MLF2: variants seen among roughly 807,000 people sequenced by gnomAD.
MLF2 encodes the protein myelodysplasia-myeloid leukemia factor 2.
A neutral mutation model predicts 31.4 loss-of-function variants in MLF2; 12 were observed. That is an observed-to-expected ratio of 0.38 (90% confidence interval 0.24 to 0.62). MLF2 has a LOEUF of 0.62. MLF2 is among the 20% of genes least tolerant of loss of function. MLF2 has a pLI of 0.58. For missense variants in MLF2, 272 were observed against 359.7 expected (o/e 0.76, Z 1.97); for synonymous variants, 109 against 118.8 (o/e 0.92, Z 0.54).
Position 6,750,870 on chromosome 12 carries a change from C to G in MLF2, c.217-104G>C. Reference sequence around the variant, plus strand: ...CCACATGGCTGCACATTTCCTTTCTCTTCTTCCTTCACATCTAGCAAGTTC... The same window carrying G: ...CCACATGGCTGCACATTTCCTTTCTGTTCTTCCTTCACATCTAGCAAGTTC... On this transcript the variant is annotated intron_variant, in intron 4 of 8. Coordinates refer to ENST00000203630, the MANE Select transcript of MLF2 (RefSeq NM_001382226.1). The surrounding 1 kb of genome is among the most constrained non-coding windows in gnomAD (Gnocchi z 5.3). The G allele has an allele frequency of 1.1e-6, 1 of 947,308 alleles. No homozygotes were observed. The highest frequency in any genetic ancestry group is 1.7e-6 in the Non-Finnish European group (1 of 590,336). 58.7% of individuals were successfully genotyped at this position (947,308 alleles called of 1,614,324 possible).
In MLF2 at chr12:6,749,725, A is replaced by AC; in HGVS notation, c.559+122_559+123insG. 1.4e-6 allele frequency: 1 copy of AC among 721,478 alleles called. No individual in the cohort carries two copies. The highest frequency in any genetic ancestry group is 1.9e-6 in the Non-Finnish European group (1 of 524,468). The allele number at this position is 721,478 out of a possible 1,614,324, so 44.7% of individuals were successfully genotyped here. ...GCAACAAGAGCGAGACTCCATCTCA[A>AC]AAAAAAAAAAAAAGGAATATGGGGC... On this transcript the variant is annotated intron_variant, in intron 7 of 8. Transcript: ENST00000203630. The surrounding 1 kb of genome is among the most constrained non-coding windows in gnomAD (Gnocchi z 5.3).
In MLF2 at chr12:6,750,715, T is replaced by C. The variant is rs747472282; in HGVS notation, c.268A>G (p.Met90Val). 3 of 1,614,060 alleles carry C rather than the reference T, an allele frequency of 1.9e-6. No homozygotes were observed. The highest frequency in any genetic ancestry group is 2.2e-5 in the South Asian group (2 of 91,056). The part of the protein sequence containing the change: ...FGMMNDMIGN[M>V]EHMTAGGNCQ... ...GAAGGGTATGGGGCAAGTCTCACCA[T>C]GTTTCCAATCATGTCATTCATCATC... is the stretch of plus-strand genomic sequence containing the variant. The change falls in exon 5 of 9, where the codon ATG (methionine) becomes GTG (valine). Residue 90 changes from methionine to valine, a missense_variant and splice_region_variant. Coordinates refer to ENST00000203630, the MANE Select transcript of MLF2 (RefSeq NM_001382226.1). This position sits in a 1 kb window ranked among gnomAD's most constrained non-coding sequence, Gnocchi z 5.3.
In MLF2 at chr12:6,750,384, G is replaced by A. The variant is rs868807530; in HGVS notation, c.271-79C>T. ...AAGGGATTTCACCCTTCAGCTGCCT[G>A]TTCTAGCCTGTATCTTTCTCACAAA... On this transcript the variant is annotated intron_variant, in intron 5 of 8. Coordinates refer to ENST00000203630, the MANE Select transcript of MLF2 (RefSeq NM_001382226.1). The surrounding 1 kb of genome is among the most constrained non-coding windows in gnomAD (Gnocchi z 5.3). 4.0e-6 allele frequency: 6 copies of A among 1,499,574 alleles called. No homozygotes were observed. The highest frequency in any genetic ancestry group is 1.8e-4 in the Middle Eastern group (1 of 5,466). 92.9% of individuals were successfully genotyped at this position (1,499,574 alleles called of 1,614,324 possible).
Position 6,752,617 on chromosome 12 carries a change from TC to T in MLF2, c.-28-256del. 1 of 388,698 alleles carries T rather than the reference TC, an allele frequency of 2.6e-6. No homozygotes were observed. The highest frequency in any genetic ancestry group is 4.7e-6 in the Non-Finnish European group (1 of 210,810). The allele number at this position is 388,698 out of a possible 1,614,324, so 24.1% of individuals were successfully genotyped here. A position where few individuals can be genotyped will look rare whatever the true frequency, so the allele number is the denominator to read the frequency against. On this transcript the variant is annotated intron_variant, in intron 1 of 8. Transcript: ENST00000203630. This position sits in a 1 kb window ranked among gnomAD's most constrained non-coding sequence, Gnocchi z 4.6. ...CCTCCCCCACTCAGAGCCATCCTCT[TC>T]CCAAAGCTCTGGCCGGTAGCATACT...
In MLF2 at chr12:6,748,602, A is replaced by T; in HGVS notation, c.*26-55T>A. The stretch of plus-strand genomic sequence containing the variant: ...TCAAAAGGAAGAAAAAACTTACGTT[A>T]AGAGCCAGGAGTTGGGGTTTAATCC... On this transcript the variant is annotated intron_variant, in intron 8 of 8. Transcript: ENST00000203630. This position sits in a 1 kb window ranked among gnomAD's most constrained non-coding sequence, Gnocchi z 4.6. 2.0e-6 allele frequency: 1 copy of T among 511,358 alleles called. No homozygotes were observed. The highest frequency in any genetic ancestry group is 3.4e-6 in the Non-Finnish European group (1 of 298,228). The allele number at this position is 511,358 out of a possible 1,614,324, so 31.7% of individuals were successfully genotyped here.
rs112614845 is a variant in MLF2, at chr12:6,748,790, G to A, written c.*5C>T. On this transcript the variant is annotated 3_prime_UTR_variant, in exon 8 of 9. Transcript: ENST00000203630. This position sits in a 1 kb window ranked among gnomAD's most constrained non-coding sequence, Gnocchi z 4.6. ...CTTACAAGAGAGGCTGAGGGCCCGG[G>A]GCCCTCACCAGTCATAGCGGCGGGA... 1.3e-6 allele frequency: 2 copies of A among 1,523,636 alleles called. No individual in the cohort carries two copies. Among genetic ancestry groups the A allele is most frequent in the Non-Finnish European group, 1.7e-6 (2 of 1,144,162 alleles). 94.4% of individuals were successfully genotyped at this position (1,523,636 alleles called of 1,614,324 possible). A position where few individuals can be genotyped will look rare whatever the true frequency, so the allele number is the denominator to read the frequency against.
Position 6,750,893 on chromosome 12 carries a change from T to C in MLF2, c.217-127A>G. 2 of 787,380 alleles carry C rather than the reference T, an allele frequency of 2.5e-6. No homozygotes were observed. The highest frequency in any genetic ancestry group is 4.4e-6 in the Non-Finnish European group (2 of 458,096). The allele number at this position is 787,380 out of a possible 1,614,324, so 48.8% of individuals were successfully genotyped here. A position where few individuals can be genotyped will look rare whatever the true frequency, so the allele number is the denominator to read the frequency against. On this transcript the variant is annotated intron_variant, in intron 4 of 8. Transcript: ENST00000203630. This position sits in a 1 kb window ranked among gnomAD's most constrained non-coding sequence, Gnocchi z 5.3. ...CTCTTCTTCCTTCACATCTAGCAAG[T>C]TCTCTTTCTCATTCTGTTAAAATAA...
chr12:6,749,392 G>A lies in MLF2; in HGVS notation c.560-410C>T, dbSNP rs116172537. Among the ~76,000 whole-genome samples the A allele has an allele frequency of 4.5e-3, 689 of 152,364 alleles. 5 individuals are homozygous for A. Among genetic ancestry groups the A allele is most frequent in the African/African-American group, 0.015 (636 of 41,592 alleles). On this transcript the variant is annotated intron_variant, in intron 7 of 8. Transcript: ENST00000203630. The surrounding 1 kb of genome is among the most constrained non-coding windows in gnomAD (Gnocchi z 5.3). ...CGCCAGCACCTGACTCCGCCCGAGC[G>A]GAGGAGGCTCCAAGTGCGGTAAGAA... is the stretch of plus-strand genomic sequence containing the variant.
intron 4 of MLF2, chr12:6,751,114 G>A: frequency 3.2e-6 from 1 of 309,314 alleles, no homozygotes; most frequent in Non-Finnish European, 6.1e-6. Context: ...ATCTCTAGTT[G>A]GCCCTTTAAC....
Position 6,749,742 on chromosome 12 carries a change from A to C in MLF2, c.559+106T>G, listed in dbSNP as rs1410660655. On this transcript the variant is annotated intron_variant, in intron 7 of 8. Transcript: ENST00000203630. The surrounding 1 kb of genome is among the most constrained non-coding windows in gnomAD (Gnocchi z 5.3). ...CCATCTCAAAAAAAAAAAAAAAGGA[A>C]TATGGGGCTGACCCAGAGCTTTGCC... The C allele has an allele frequency of 2.1e-6, 3 of 1,414,750 alleles. No individual in the cohort carries two copies. Among genetic ancestry groups the C allele is most frequent in the Non-Finnish European group, 1.9e-6 (2 of 1,040,026 alleles). 87.6% of individuals were successfully genotyped at this position (1,414,750 alleles called of 1,614,324 possible).
Position 6,753,050 on chromosome 12 carries a change from G to A in MLF2, c.-140C>T, listed in dbSNP as rs888704638. 2 of 377,552 alleles carry A rather than the reference G, an allele frequency of 5.3e-6. No homozygotes were observed. Among genetic ancestry groups the A allele is most frequent in the Non-Finnish European group, 9.4e-6 (2 of 212,984 alleles). 23.4% of individuals were successfully genotyped at this position (377,552 alleles called of 1,614,324 possible). A position where few individuals can be genotyped will look rare whatever the true frequency, so the allele number is the denominator to read the frequency against. ...GGATTGGTCCGGGCTTGAGCTCCTC[G>A]GCCTTCCACGCCGCCTCCTCCCACA... On this transcript the variant is annotated 5_prime_UTR_variant, in exon 1 of 9. Coordinates refer to ENST00000203630, the MANE Select transcript of MLF2 (RefSeq NM_001382226.1).
chr12:6,750,578 G>A lies in MLF2; in HGVS notation c.270+135C>T. The A allele has an allele frequency of 9.0e-7, 1 of 1,111,202 alleles. No homozygotes were observed. The allele number at this position is 1,111,202 out of a possible 1,614,324, so 68.8% of individuals were successfully genotyped here. On this transcript the variant is annotated intron_variant, in intron 5 of 8. Coordinates refer to ENST00000203630, the MANE Select transcript of MLF2 (RefSeq NM_001382226.1). The surrounding 1 kb of genome is among the most constrained non-coding windows in gnomAD (Gnocchi z 5.3). ...ATGACAGCAGGTACAGGGTCCCAAG[G>A]CTCTCTGGTTCAATTACTTTATCCA...
chr12:6,749,842 GCTCA>G lies in MLF2; in HGVS notation c.559+2_559+5del. 6.2e-7 allele frequency: 1 copy of G among 1,613,914 alleles called. No homozygotes were observed. On this transcript the variant is annotated splice_donor_variant and splice_donor_5th_base_variant and intron_variant, in intron 7 of 8. Coordinates refer to ENST00000203630, the MANE Select transcript of MLF2 (RefSeq NM_001382226.1). LOFTEE classifies it high-confidence loss of function. The surrounding 1 kb of genome is among the most constrained non-coding windows in gnomAD (Gnocchi z 5.3). ...TGCCAGCCAGGAAGCGGGAGGGAAG[GCTCA>G]CTCTCATCCAGGTTGATATAGTCCT...
Position 6,749,905 on chromosome 12 carries a change from G to T in MLF2, c.502C>A (p.Arg168=), listed in dbSNP as rs776144384. Residue 168 remains arginine, a synonymous_variant, in exon 7 of 9, where the codon CGA becomes AGA. Coordinates refer to ENST00000203630, the MANE Select transcript of MLF2 (RefSeq NM_001382226.1). This position sits in a 1 kb window ranked among gnomAD's most constrained non-coding sequence, Gnocchi z 5.3. ...TCCTGGTCCCCCGTGCGATGGTTTC[G>T]GGAGCGCTGGAGGATGTGAGCCCTG... ...RDRAHILQRS[R]NHRTGDQEER... The T allele has an allele frequency of 1.2e-4, 191 of 1,613,990 alleles. No individual in the cohort carries two copies. The highest frequency in any genetic ancestry group is 1.6e-4 in the Non-Finnish European group (185 of 1,180,026).
In MLF2 at chr12:6,749,087, G is replaced by T; in HGVS notation, c.560-105C>A. 1 of 1,232,330 alleles carries T rather than the reference G, an allele frequency of 8.1e-7. No individual in the cohort carries two copies. Among genetic ancestry groups the T allele is most frequent in the Non-Finnish European group, 1.1e-6 (1 of 909,584 alleles). The allele number at this position is 1,232,330 out of a possible 1,614,324, so 76.3% of individuals were successfully genotyped here. ...CGGGCCAAAGCGGCGAAGGCTGAGT[G>T]TGCGTGCAGGGATGGGTGGGGTGGC... is the stretch of plus-strand genomic sequence containing the variant. On this transcript the variant is annotated intron_variant, in intron 7 of 8. Coordinates refer to ENST00000203630, the MANE Select transcript of MLF2 (RefSeq NM_001382226.1). The surrounding 1 kb of genome is among the most constrained non-coding windows in gnomAD (Gnocchi z 5.3).
Position 6,750,467 on chromosome 12 carries a change from C to G in MLF2, c.271-162G>C. On this transcript the variant is annotated intron_variant, in intron 5 of 8. Coordinates refer to ENST00000203630, the MANE Select transcript of MLF2 (RefSeq NM_001382226.1). The surrounding 1 kb of genome is among the most constrained non-coding windows in gnomAD (Gnocchi z 5.3). ...ATTACCCTCCCAAATTCCTCTGAGTCCAACCACGAGCAAGAAGGACCTGAA... is the reference window on the plus strand; with the variant it reads ...ATTACCCTCCCAAATTCCTCTGAGTGCAACCACGAGCAAGAAGGACCTGAA... 1 of 1,039,930 alleles carries G rather than the reference C, an allele frequency of 9.6e-7. No homozygotes were observed. 64.4% of individuals were successfully genotyped at this position (1,039,930 alleles called of 1,614,324 possible).
chr12:6,751,592 G>A, intron 4 of MLF2, 49 bp downstream of exon 4: 1 of 1,580,840 alleles, frequency 6.3e-7, no homozygotes, highest in Non-Finnish European at 8.7e-7. Context: ...AATATCTAAG[G>A]GTAGAGAGTG....
Position 6,751,941 on chromosome 12 carries a change from C to A in MLF2, c.164G>T (p.Ser55Ile), listed in dbSNP as rs1420495847. The change falls in exon 3 of 9, where the codon AGC becomes ATC. Residue 55 changes from serine to isoleucine, a missense_variant. Transcript: ENST00000203630. The stretch of plus-strand genomic sequence containing the variant: ...CATCATTACCTGCTGCATCCGGCGG[C>A]TGGCAGGCCTGGTCCCTGGCATGTT... ...DGNMPGTRPASRRMQQAGAVS... is the reference protein window; with the variant it reads ...DGNMPGTRPAIRRMQQAGAVS... The A allele has an allele frequency of 1.2e-6, 2 of 1,614,088 alleles. No homozygotes were observed. Among genetic ancestry groups the A allele is most frequent in the African/African-American group, 2.7e-5 (2 of 74,934 alleles).
rs74059104 is a variant in MLF2, at chr12:6,749,798, C to T, written c.559+50G>A. The T allele has an allele frequency of 7.0e-3, 11,239 of 1,606,940 alleles. 287 individuals carry two copies. The African/African-American group carries it at 0.075, about 11-fold the overall frequency. ...AGTGTCTATGTGTTAGGGATGTCCA[C>T]GGGAACCGGGTTAGGGGCTGCCAGC... On this transcript the variant is annotated intron_variant, in intron 7 of 8. Transcript: ENST00000203630. The surrounding 1 kb of genome is among the most constrained non-coding windows in gnomAD (Gnocchi z 5.3).
Sources: allele counts gnomAD v4.1 joint callset (sites outside exome capture counted in the v4.1 genomes callset), GRCh38; gene constraint gnomAD v4.1.1; non-coding constraint Gnocchi (gnomAD v3.1); transcripts MANE v1.5; gene names NCBI Gene and HGNC (gene_info 2026-07-23, HGNC 2026-07-21).